PPP1R12C: variants seen among roughly 807,000 people sequenced by gnomAD.
PPP1R12C encodes protein phosphatase 1 regulatory subunit 12C, also known as leukocyte receptor cluster (LRC) encoded novel gene 3.
PPP1R12C carries 48 observed loss-of-function variants against 95.6 expected under a neutral mutation model. That is an observed-to-expected ratio of 0.50 (90% CI 0.40 to 0.64). The LOEUF (loss-of-function observed/expected upper bound fraction) is 0.64. Among genes scored for constraint, PPP1R12C ranks in the 30% least tolerant of loss-of-function variants. The pLI, the probability that PPP1R12C is intolerant of heterozygous loss-of-function variation, is 0.00. For missense variants in PPP1R12C, 1,057 were observed against 1,083.3 expected (o/e 0.98, Z 0.34); for synonymous variants, 480 against 460.8 (o/e 1.04, Z -0.53).
intron 5 of PPP1R12C, 46 bp from the exon 6 acceptor site, chr19:55,098,904 G>A (rs760900629): frequency 6.2e-7 from 1 of 1,610,936 alleles, no homozygotes; most frequent in East Asian, 2.2e-5. Flanking sequence ...GAGGTGCTGG[G>A]CCCTCCCCAC....
At position 55,100,854 on chromosome 19, in the gene PPP1R12C, C is replaced by T. The variant is rs905998336; in HGVS notation, c.732-1759G>A. ...GTCTTGAACTCCTGACCTCATGATC[C>T]GCCTGCCTCGACCTCCCAAAGTGCT... On this transcript the variant is annotated intron_variant, in intron 4 of 21. Transcript: ENST00000263433. 2.2e-4 allele frequency among the ~76,000 whole-genome samples: 34 copies of T among 152,216 alleles called. 1 individual carries two copies. In the East Asian group the frequency reaches 2.3e-3, roughly 11 times the overall value.
intron 4 of PPP1R12C, 71 bp from the exon 5 acceptor site, chr19:55,099,166 G>A (rs1168774481): frequency 8.3e-6 from 12 of 1,438,428 alleles, no homozygotes; most frequent in Admixed American, 2.8e-5. Flanking sequence ...TTCGGCCAGC[G>A]GTTTGGTAAC....
intron 9 of PPP1R12C, 21 bp from the exon 10 acceptor site, chr19:55,095,624 C>T: frequency 6.5e-7 from 1 of 1,537,490 alleles, no homozygotes; most frequent in East Asian, 2.3e-5. Context: ...GAGGAGGTCT[C>T]AGTTAGAGAG....
Position 55,099,079 on chromosome 19 carries a change from C to A in PPP1R12C, c.748G>T (p.Gly250Cys). The A allele has an allele frequency of 6.5e-7, 1 of 1,547,846 alleles. No homozygotes were observed. Among genetic ancestry groups the A allele is most frequent in the South Asian group, 1.2e-5 (1 of 83,718 alleles). ...CCGTCCCGGAGCTCTGGGTCGTAGC[C>A]AGCCTGAAGGAGCAACCTGGGGGCC... ...IEVMRLLLQAGYDPELRDGDG... is the reference protein window; with the variant it reads ...IEVMRLLLQACYDPELRDGDG... The change falls in exon 5 of 22, where the codon GGC becomes TGC. Residue 250 changes from glycine to cysteine, a missense_variant. Around this residue, in one of 5 missense-constraint regions of PPP1R12C, gnomAD observed 282 missense variants for 380.4 expected, o/e 0.74. Coordinates refer to ENST00000263433, the MANE Select transcript of PPP1R12C (RefSeq NM_017607.4).
At position 55,091,707 on chromosome 19, in the gene PPP1R12C, T is replaced by C. The variant is rs2084842867; in HGVS notation, c.2212-7A>G. ...GTTCCAGGGCCCTGCGCTCCTGGAA[T>C]GAACAGGGAAAGTGCAGAAACTGAG... is the stretch of plus-strand genomic sequence containing the variant. On this transcript the variant is annotated splice_polypyrimidine_tract_variant and splice_region_variant and intron_variant, in intron 20 of 21. Coordinates refer to ENST00000263433, the MANE Select transcript of PPP1R12C (RefSeq NM_017607.4). 3.1e-6 allele frequency: 5 copies of C among 1,610,984 alleles called. No homozygotes were observed. Among genetic ancestry groups the C allele is most frequent in the Non-Finnish European group, 4.2e-6 (5 of 1,178,706 alleles).
rs374789762 is a variant in PPP1R12C at position 55,095,426 on chromosome 19, C to T, written c.1386+19G>A. 26 of 1,560,374 alleles carry T rather than the reference C, an allele frequency of 1.7e-5. No homozygotes were observed. Among genetic ancestry groups the T allele is most frequent in the Middle Eastern group, 3.3e-4 (2 of 6,014 alleles). ...CTGGGCAGGGGCCTGGGCCTGGACC[C>T]GGCCCAACCCTCACTCACCTGAGTG... is the stretch of plus-strand genomic sequence containing the variant. On this transcript the variant is annotated intron_variant, in intron 10 of 21. Transcript: ENST00000263433.
At chr19:55,104,195 T>TAC (rs1382144417) in intron 3 of PPP1R12C, among the ~76,000 whole-genome samples, 10 of 110,082 alleles carry the variant, frequency 9.1e-5, no homozygotes, top group Admixed American at 4.8e-4. Context: ...TATATATATA[T>TAC]ATATACACAC....
At position 55,109,512 on chromosome 19, in the gene PPP1R12C, G is replaced by A. The variant is rs953834731; in HGVS notation, c.571+2955C>T. ...CCAGAGGACTTTGCGGTGTTGGAGG[G>A]AGCGGTGGCTCCAGGCCACGAGGTG... On this transcript the variant is annotated intron_variant, in intron 3 of 21. Coordinates refer to ENST00000263433, the MANE Select transcript of PPP1R12C (RefSeq NM_017607.4). The surrounding 1 kb of genome is among the most constrained non-coding windows in gnomAD (Gnocchi z 4.4). Among the ~76,000 whole-genome samples, 1 of 152,256 alleles carries A rather than the reference G, an allele frequency of 6.6e-6. No homozygotes were observed. The highest frequency in any genetic ancestry group is 2.4e-5 in the African/African-American group (1 of 41,468).
chr19:55,106,948 G>A (rs890803217), intron 3 of PPP1R12C, among the ~76,000 whole-genome samples: 1 of 152,172 alleles, frequency 6.6e-6, no homozygotes, highest in Non-Finnish European at 1.5e-5. Context: ...ATATGGGCCT[G>A]CAGTAGGACC....
chr19:55,098,818 C>G lies in PPP1R12C; in HGVS notation c.917G>C (p.Ser306Thr), dbSNP rs145564651. Residue 306 changes from serine to threonine, a missense_variant, in exon 6 of 22, where the codon AGC becomes ACC. Physicochemically the swap from Ser to Thr is moderately conservative, Grantham distance 58. Around this residue, in one of 5 missense-constraint regions of PPP1R12C, gnomAD observed 356 missense variants for 330.5 expected, o/e 1.08. Coordinates refer to ENST00000263433, the MANE Select transcript of PPP1R12C (RefSeq NM_017607.4). ...TTTCCGGGCCAGTTCCTCCAACAGG[C>G]TCAGTACTTCCTCATCGGCCAGGTC... ...PCDLADEEVL[S>T]LLEELARKQE... The G allele has an allele frequency of 6.3e-5, 101 of 1,613,580 alleles. No homozygotes were observed. The African/African-American group carries it at 1.3e-3, about 20-fold the overall frequency.
intron 3 of PPP1R12C, among the ~76,000 whole-genome samples, chr19:55,110,296 G>T (rs997664346): frequency 1.3e-5 from 2 of 151,898 alleles, no homozygotes; most frequent in African/African-American, 4.8e-5. Context: ...TGGTGCAGTG[G>T]GTGAGAGTGT....
Position 55,112,867 on chromosome 19 carries a change from G to A in PPP1R12C, c.322-72C>T, listed in dbSNP as rs891557723. ...GTCCCAGCAAGTCGGGACTCCAGAG[G>A]GAGCCACGAAAACAGATCCAGGGAC... On this transcript the variant is annotated intron_variant, in intron 1 of 21. Transcript: ENST00000263433. 5 of 1,589,396 alleles carry A rather than the reference G, an allele frequency of 3.1e-6. No individual in the cohort carries two copies. The South Asian group carries it at 4.4e-5, about 14-fold the overall frequency.
At chr19:55,106,838 T>C (rs1173656012) in intron 3 of PPP1R12C, among the ~76,000 whole-genome samples, 1 of 152,208 alleles carries the variant, frequency 6.6e-6, no homozygotes, top group Non-Finnish European at 1.5e-5. Flanking sequence ...CAGGCCTTCC[T>C]GTCACCTTTG....
intron 13 of PPP1R12C, 42 bp from the exon 14 acceptor site, chr19:55,093,275 G>T (rs756581918): frequency 6.3e-7 from 1 of 1,574,814 alleles, no homozygotes; most frequent in African/African-American, 1.4e-5. Context: ...TGGGGTCAGG[G>T]CCCAGCCCCT....
chr19:55,103,740 C>A (rs2085003505), intron 3 of PPP1R12C, among the ~76,000 whole-genome samples, 172 bp from the exon 4 acceptor site: 1 of 152,132 alleles, frequency 6.6e-6, no homozygotes, highest in Non-Finnish European at 1.5e-5. Flanking sequence ...CAACTGTACT[C>A]CATGCAGTCG....
chr19:55,099,103 C>A lies in PPP1R12C; in HGVS notation c.732-8G>T. On this transcript the variant is annotated splice_region_variant and splice_polypyrimidine_tract_variant and intron_variant, in intron 4 of 21. Coordinates refer to ENST00000263433, the MANE Select transcript of PPP1R12C (RefSeq NM_017607.4). Reference sequence around the variant, plus strand: ...CCAGCCTGAAGGAGCAACCTGGGGGCCAGGGAGGCTCAGGGTCAGAGGCCA... The same window carrying A: ...CCAGCCTGAAGGAGCAACCTGGGGGACAGGGAGGCTCAGGGTCAGAGGCCA... 6.6e-7 allele frequency: 1 copy of A among 1,525,614 alleles called. No individual in the cohort carries two copies. 94.5% of individuals were successfully genotyped at this position (1,525,614 alleles called of 1,614,324 possible).
Position 55,092,119 on chromosome 19 carries a change from C to T in PPP1R12C, c.2160+103G>A, listed in dbSNP as rs958852679. On this transcript the variant is annotated intron_variant, in intron 19 of 21. Coordinates refer to ENST00000263433, the MANE Select transcript of PPP1R12C (RefSeq NM_017607.4). ...CTCGGCCCCGCCCCTCAAGTGAAGC[C>T]CAGCCCCGCCGGCACCCCCAGGCCA... The T allele has an allele frequency of 5.0e-6, 6 of 1,199,218 alleles. No homozygotes were observed. In the African/African-American group the frequency reaches 6.1e-5, roughly 12 times the overall value. 74.3% of individuals were successfully genotyped at this position (1,199,218 alleles called of 1,614,324 possible). A position where few individuals can be genotyped will look rare whatever the true frequency, so the allele number is the denominator to read the frequency against.
Position 55,098,872 on chromosome 19 carries a change from G to A in PPP1R12C, c.877-14C>T, listed in dbSNP as rs200420986. ...GGGACGCTGCCCCTGGGTCAGGGGA[G>A]GAGCAGGATCAGACAATGAAGGAGG... On this transcript the variant is annotated splice_polypyrimidine_tract_variant and intron_variant, in intron 5 of 21. Coordinates refer to ENST00000263433, the MANE Select transcript of PPP1R12C (RefSeq NM_017607.4). The A allele has an allele frequency of 4.3e-6, 7 of 1,612,940 alleles. No homozygotes were observed. The East Asian group carries it at 1.1e-4, about 26-fold the overall frequency.
At chr19:55,104,199 T>TATATATACACAC (rs34075382) in intron 3 of PPP1R12C, among the ~76,000 whole-genome samples, 1,374 of 119,942 alleles carry the variant, frequency 0.011, 59 homozygotes, top group African/African-American at 0.048. Flanking sequence ...TATATATATA[T>TATATATACACAC]ACACACACAC....
Sources: allele counts gnomAD v4.1 joint callset (sites outside exome capture counted in the v4.1 genomes callset), GRCh38; gene constraint gnomAD v4.1.1; regional missense constraint gnomAD v4.1.1; non-coding constraint Gnocchi (gnomAD v3.1); transcripts MANE v1.5; gene names NCBI Gene and HGNC (gene_info 2026-07-23, HGNC 2026-07-21).